CCSER1: variants seen among roughly 807,000 people sequenced by gnomAD.
CCSER1 encodes the protein serine-rich coiled-coil domain-containing protein 1.
A neutral mutation model predicts 82.0 loss-of-function variants in CCSER1; 41 were observed. That is an observed-to-expected ratio of 0.50 (90% confidence interval 0.39 to 0.65). CCSER1 has a LOEUF of 0.65. Ranked by LOEUF, CCSER1 falls within the 30% of genes least tolerant of loss-of-function variation. The pLI is 0.00. For missense variants in CCSER1, 1,119 were observed against 1,064.2 expected, an observed-to-expected ratio of 1.05 and a Z score of -0.72; for synonymous variants, 414 against 383.9, an observed-to-expected ratio of 1.08 and a Z score of -0.92.
chr4:90,579,778 G>A (rs1026840533), intron 5 of CCSER1, among the ~76,000 whole-genome samples: 1 of 151,832 alleles, frequency 6.6e-6, no homozygotes. Context: ...TTCCCACTCA[G>A]TTAATTCCGT....
intron 1 of CCSER1, among the ~76,000 whole-genome samples, chr4:90,205,462 G>GT (rs1378487473): frequency 2.0e-5 from 3 of 152,164 alleles, no homozygotes; most frequent in Admixed American, 2.0e-4. Flanking sequence ...TAATCATGTG[G>GT]TTTTTGTCTT....
intron 4 of CCSER1, among the ~76,000 whole-genome samples, chr4:90,466,130 A>G (rs1763604764): frequency 6.6e-6 from 1 of 152,216 alleles, no homozygotes; most frequent in African/African-American, 2.4e-5. Flanking sequence ...TCAGTTGGCA[A>G]AAAGGATTTT....
intron 9 of CCSER1, among the ~76,000 whole-genome samples, chr4:91,009,388 T>C (rs1301406746): frequency 6.6e-6 from 1 of 152,228 alleles, no homozygotes; most frequent in Admixed American, 6.5e-5. Context: ...ATTAGCATTT[T>C]AATGAGCTCT....
At chr4:90,854,642 C>T (rs1764260492) in intron 8 of CCSER1, among the ~76,000 whole-genome samples, 1 of 152,022 alleles carries the variant, frequency 6.6e-6, no homozygotes, top group African/African-American at 2.4e-5. Flanking sequence ...GAGATATTTC[C>T]TTTTTCTTAC....
intron 10 of CCSER1, among the ~76,000 whole-genome samples, chr4:91,115,068 G>T (rs1039576019): frequency 9.2e-5 from 14 of 152,082 alleles, no homozygotes; most frequent in African/African-American, 3.4e-4. Flanking sequence ...ATTAGAAATA[G>T]TTTTAACTTC....
At chr4:90,320,068 T>A (rs904882978) in intron 3 of CCSER1, among the ~76,000 whole-genome samples, 1 of 152,204 alleles carries the variant, frequency 6.6e-6, no homozygotes. Flanking sequence ...CTAAATTGTA[T>A]CATGGACGTA....
intron 10 of CCSER1, among the ~76,000 whole-genome samples, chr4:91,140,267 G>T (rs1038212536): frequency 1.3e-5 from 2 of 151,466 alleles, no homozygotes. Context: ...AAAATAAAAG[G>T]ATTTTAATTC....
intron 6 of CCSER1, chr4:90,693,387 A>G (rs1244561780): frequency 1.3e-5 from 2 of 152,114 alleles, no homozygotes; most frequent in East Asian, 1.9e-4. Context: ...TACTCTTCCC[A>G]GCTACAAGTT....
chr4:91,095,503 G>C (rs947256407), intron 10 of CCSER1, among the ~76,000 whole-genome samples: 2 of 152,054 alleles, frequency 1.3e-5, no homozygotes, highest in Non-Finnish European at 2.9e-5. Flanking sequence ...ACAAATACTT[G>C]ATCAGCTATC....
intron 10 of CCSER1, among the ~76,000 whole-genome samples, chr4:91,313,542 A>C (rs1416476799): frequency 6.6e-6 from 1 of 151,956 alleles, no homozygotes; most frequent in Non-Finnish European, 1.5e-5. Context: ...GCCTGTTTAA[A>C]ATGTAATGTT....
At chr4:91,358,392 TTG>T (rs1491031007) in intron 10 of CCSER1, among the ~76,000 whole-genome samples, 4,498 of 20,236 alleles carry the variant, frequency 0.22, 451 homozygotes, top group African/African-American at 0.46. Context: ...CTGACCCACG[TTG>T]TTTTTTTTTT....
chr4:91,138,378 G>A lies in CCSER1; in HGVS notation c.2217+52384G>A, dbSNP rs1490137929. Among the ~76,000 whole-genome samples the A allele has an allele frequency of 1.5e-4, 5 of 34,378 alleles. 1 individual carries two copies. Among genetic ancestry groups the A allele is most frequent in the African/African-American group, 4.5e-4 (5 of 11,144 alleles). The allele number at this position is 34,378 out of a possible 152,430, so 22.6% of individuals were successfully genotyped here. The stretch of plus-strand genomic sequence containing the variant: ...TAAATGGTGCTGGGAAAACTGGCTA[G>A]CCATATGTAGAAAGCTGAAACTGGA... On this transcript the variant is annotated intron_variant, in intron 10 of 10. Transcript: ENST00000509176.
At chr4:90,685,665 T>G (rs530785091) in intron 6 of CCSER1, among the ~76,000 whole-genome samples, 11 of 152,300 alleles carry the variant, frequency 7.2e-5, no homozygotes, top group Admixed American at 1.3e-4. Context: ...TAACTGTTTA[T>G]TGTCTGGTGA....
intron 3 of CCSER1, among the ~76,000 whole-genome samples, chr4:90,361,488 C>G (rs1294616045): frequency 6.6e-6 from 1 of 152,154 alleles, no homozygotes; most frequent in Non-Finnish European, 1.5e-5. Flanking sequence ...ACTTAGAAAA[C>G]ACTCTTTTTA....
intron 10 of CCSER1, among the ~76,000 whole-genome samples, chr4:91,178,182 G>T (rs1392054812): frequency 6.6e-6 from 1 of 152,156 alleles, no homozygotes. Context: ...GACACAATTT[G>T]TTATAATTTC....
At chr4:91,037,261 CAT>C (rs796348845) in intron 9 of CCSER1, among the ~76,000 whole-genome samples, 209 of 144,542 alleles carry the variant, frequency 1.4e-3, no homozygotes, top group South Asian at 8.7e-3. Flanking sequence ...CACACACATA[CAT>C]ACACACACAC....
At chr4:90,913,732 G>A (rs906419646) in intron 8 of CCSER1, among the ~76,000 whole-genome samples, 2 of 152,122 alleles carry the variant, frequency 1.3e-5, no homozygotes, top group African/African-American at 2.4e-5. Context: ...TAAGTATGCT[G>A]TATTCAGGAA....
At chr4:90,780,804 G>T in intron 7 of CCSER1, 2 of 1,101,812 alleles carry the variant, frequency 1.8e-6, no homozygotes, top group Non-Finnish European at 2.2e-6. Flanking sequence ...CCATATATGC[G>T]TGATCTTTTA....
chr4:90,276,932 G>T (rs1295234822), intron 1 of CCSER1, among the ~76,000 whole-genome samples: 1 of 152,006 alleles, frequency 6.6e-6, no homozygotes, highest in Non-Finnish European at 1.5e-5. Flanking sequence ...GAATGCTAGT[G>T]TTTTTTATAC....
Sources: allele counts gnomAD v4.1 joint callset (sites outside exome capture counted in the v4.1 genomes callset), GRCh38; gene constraint gnomAD v4.1.1; transcripts MANE v1.5; gene names NCBI Gene and HGNC (gene_info 2026-07-23, HGNC 2026-07-21).